The following TCF4 variants were observed in gnomAD, a reference collection of about 807,000 sequenced individuals.
TCF4 encodes SL3-3 enhancer factor 2.
TCF4 carries 3 observed loss-of-function variants against 82.1 expected under a neutral mutation model. The ratio of observed to expected loss-of-function variants is 0.04; its 90% CI spans 0.02 to 0.09. The LOEUF (loss-of-function observed/expected upper bound fraction) is 0.09, where lower values mean the gene tolerates loss of function less well. Among genes scored for constraint, TCF4 ranks in the 10% least tolerant of loss-of-function variants. The probability of loss-of-function intolerance (pLI) is 1.00; values close to 1 mark genes in which losing one functional copy is unlikely to be tolerated. For synonymous variants in TCF4, 276 were observed against 309.6 expected (o/e 0.89, Z 1.14); for missense variants, 518 against 852.7 (o/e 0.61, Z 4.89).
At chr18:55,482,523 A>T (rs1264453492) in intron 3 of TCF4, among the ~76,000 whole-genome samples, 1 of 152,216 alleles carries the variant, frequency 6.6e-6, no homozygotes, top group Non-Finnish European at 1.5e-5. Context: ...CACAGGTTGG[A>T]GACAGCGCCC....
chr18:55,368,497 C>T (rs1276976300), intron 6 of TCF4, among the ~76,000 whole-genome samples: 2 of 152,162 alleles, frequency 1.3e-5, no homozygotes, highest in Non-Finnish European at 2.9e-5. Flanking sequence ...TGCAAACAAA[C>T]TTGGTCTTCT....
chr18:55,249,003 C>G (rs1415691126), intron 15 of TCF4, among the ~76,000 whole-genome samples: 1 of 152,166 alleles, frequency 6.6e-6, no homozygotes, highest in East Asian at 1.9e-4. Flanking sequence ...CCTCGGCCTC[C>G]TAAATTGCTG....
upstream of TCF4, chr18:55,589,965 G>A: frequency 2.5e-6 from 1 of 408,012 alleles, no homozygotes; most frequent in Non-Finnish European, 3.3e-6. Flanking sequence ...GAGGCGGGTG[G>A]CTGTTCTCGG....
chr18:55,247,537 C>T (rs2053652744), intron 15 of TCF4, among the ~76,000 whole-genome samples: 1 of 152,144 alleles, frequency 6.6e-6, no homozygotes, highest in Non-Finnish European at 1.5e-5. Context: ...GTTAGGTGGC[C>T]TTAATGAAGA....
chr18:55,331,814 G>C (rs2077620840), intron 8 of TCF4, among the ~76,000 whole-genome samples: 1 of 152,170 alleles, frequency 6.6e-6, no homozygotes, highest in African/African-American at 2.4e-5. Context: ...ATAATCTGCT[G>C]AGGATCAGGG....
rs145269195 is a variant in TCF4, at chr18:55,532,381, G to A, written c.145+52899C>T. Among the ~76,000 whole-genome samples, 88 of 152,322 alleles carry A rather than the reference G, an allele frequency of 5.8e-4. 1 individual carries two copies. The highest frequency in any genetic ancestry group is 1.9e-3 in the African/African-American group (79 of 41,566). On this transcript the variant is annotated intron_variant, in intron 3 of 19. Coordinates refer to ENST00000354452, the MANE Select transcript of TCF4 (RefSeq NM_001083962.2). ...ACAGCAACTTCTAAGGAGCTGTCTA[G>A]TGGGCCCTTGGTGGCTCTTCCAAAC...
rs747641824 is a variant in TCF4, at chr18:55,257,271, T to C, written c.1146+44A>G. ...AAAGGAGACTGAACAAGAAAGAACA[T>C]GACCTGAAAATGGGTGGGACAGAGA... On this transcript the variant is annotated intron_variant, in intron 14 of 19. Transcript: ENST00000354452. 18 of 1,583,400 alleles carry C rather than the reference T, an allele frequency of 1.1e-5. No individual in the cohort carries two copies. The Admixed American group carries it at 2.2e-4, about 19-fold the overall frequency.
chr18:55,471,803 A>G (rs2096188335), intron 3 of TCF4, among the ~76,000 whole-genome samples: 1 of 151,996 alleles, frequency 6.6e-6, no homozygotes, highest in Admixed American at 6.6e-5. Flanking sequence ...TATAAAGAAT[A>G]CAGACCTGGG....
At chr18:55,269,373 A>C in intron 11 of TCF4, 1 of 235,372 alleles carries the variant, frequency 4.2e-6, no homozygotes, top group South Asian at 6.6e-5. Context: ...AGTTATTAGC[A>C]GTCACCTGAG....
At chr18:55,461,236 T>C in intron 4 of TCF4, 121 bp from the exon 5 acceptor site, 1 of 769,314 alleles carries the variant, frequency 1.3e-6, no homozygotes, top group Non-Finnish European at 2.2e-6. Flanking sequence ...ATTCCCTCCC[T>C]GGAACTTCAC....
chr18:55,612,713 T>TGA (rs2097708252), intron 2 of TCF4, among the ~76,000 whole-genome samples: 1 of 152,148 alleles, frequency 6.6e-6, no homozygotes, highest in South Asian at 2.1e-4. Flanking sequence ...TATGGGAGGC[T>TGA]GAGGCCGGCG....
intron 10 of TCF4, among the ~76,000 whole-genome samples, chr18:55,274,624 G>A (rs1419720494): frequency 6.6e-6 from 1 of 152,132 alleles, no homozygotes; most frequent in Non-Finnish European, 1.5e-5. Flanking sequence ...ATGAGAAGAA[G>A]AAAAAGGGGC....
At position 55,323,852 on chromosome 18, in the gene TCF4, T is replaced by G. The variant is rs115466642; in HGVS notation, c.549+26507A>C. Among the ~76,000 whole-genome samples the G allele has an allele frequency of 5.4e-3, 819 of 152,336 alleles. 9 individuals are homozygous for G. The highest frequency in any genetic ancestry group is 0.018 in the African/African-American group (756 of 41,568). Reference sequence around the variant, plus strand: ...AGAAGGCTTTTCTAGATCCTAACTTTCCATGGGTAGACTGCTAGAAAGATC... The same window carrying G: ...AGAAGGCTTTTCTAGATCCTAACTTGCCATGGGTAGACTGCTAGAAAGATC... On this transcript the variant is annotated intron_variant, in intron 8 of 19. Transcript: ENST00000354452.
At chr18:55,578,716 C>T (rs2097550396) in intron 3 of TCF4, among the ~76,000 whole-genome samples, 1 of 151,976 alleles carries the variant, frequency 6.6e-6, no homozygotes, top group Non-Finnish European at 1.5e-5. Context: ...CGTACAAATA[C>T]GGCTGCACAA....
intron 2 of TCF4, among the ~76,000 whole-genome samples, chr18:55,621,858 T>TATTATATATACACTATATATAATATATAC (rs2097720782): frequency 9.6e-6 from 1 of 104,426 alleles, no homozygotes; most frequent in African/African-American, 4.0e-5. Context: ...GTATGTATTA[T>TATTATATATACACTATATATAATATATAC]ATTATATATA....
intron 8 of TCF4, among the ~76,000 whole-genome samples, chr18:55,299,292 A>G (rs575556470): frequency 1.3e-5 from 2 of 152,202 alleles, no homozygotes; most frequent in South Asian, 4.2e-4. Context: ...GACACCTGTA[A>G]TCCTAGCTAC....
At chr18:55,475,247 T>C (rs970146383) in intron 3 of TCF4, among the ~76,000 whole-genome samples, 25 of 152,200 alleles carry the variant, frequency 1.6e-4, no homozygotes, top group Admixed American at 2.6e-4. Flanking sequence ...TCTGTGATAT[T>C]AGAATTTTGG....
chr18:55,517,038 A>G (rs1482691498), intron 3 of TCF4, among the ~76,000 whole-genome samples: 1 of 152,236 alleles, frequency 6.6e-6, no homozygotes, highest in African/African-American at 2.4e-5. Context: ...TCCTAGCAAC[A>G]GAGGTTAGGA....
chr18:55,303,226 T>TACACACACACACACACAC (rs74180496), intron 8 of TCF4, among the ~76,000 whole-genome samples: 4 of 135,988 alleles, frequency 2.9e-5, no homozygotes, highest in East Asian at 2.2e-4. Flanking sequence ...TCCCAGTACG[T>TACACACACACACACACAC]ACACACACAC....
Sources: gnomAD v4.1 joint callset for allele counts (sites outside exome capture counted in the v4.1 genomes callset) on GRCh38, gnomAD v4.1.1 for gene constraint, MANE v1.5 for transcripts, NCBI Gene and HGNC (gene_info 2026-07-23, HGNC 2026-07-21) for gene names.